The following CNTN5 variants were observed in gnomAD, a reference collection of about 807,000 sequenced individuals.
The protein encoded by CNTN5 is contactin 5.
CNTN5 carries 77 observed loss-of-function variants against 129.1 expected under a neutral mutation model. The observed-to-expected ratio is 0.60, with a 90% CI of 0.50 to 0.72. The LOEUF (loss-of-function observed/expected upper bound fraction) is 0.72. CNTN5 is among the 30% of genes least tolerant of loss of function. The pLI is 0.00. For missense variants in CNTN5, 1,478 were observed against 1,328.8 expected (o/e 1.11, Z -1.75); for synonymous variants, 509 against 465.6 (o/e 1.09, Z -1.20).
At chr11:99,335,319 A>G (rs1373092065) in intron 2 of CNTN5, among the ~76,000 whole-genome samples, 1 of 152,072 alleles carries the variant, frequency 6.6e-6, no homozygotes, top group African/African-American at 2.4e-5. Context: ...AGAAGTCTTC[A>G]ATCTTTTAAT....
chr11:99,061,886 G>C (rs376980618), intron 1 of CNTN5, among the ~76,000 whole-genome samples: 37 of 152,118 alleles, frequency 2.4e-4, no homozygotes, highest in African/African-American at 6.5e-4. Flanking sequence ...TAGATACCTG[G>C]GAGGTGGAGG....
At chr11:99,305,935 C>G (rs1405041989) in intron 1 of CNTN5, among the ~76,000 whole-genome samples, 2 of 151,786 alleles carry the variant, frequency 1.3e-5, no homozygotes, top group Admixed American at 1.3e-4. Context: ...GAGCCGAGAT[C>G]TCGTCTCTGC....
intron 1 of CNTN5, among the ~76,000 whole-genome samples, chr11:99,056,485 C>T (rs983751273): frequency 1.3e-5 from 2 of 151,988 alleles, no homozygotes; most frequent in African/African-American, 2.4e-5. Context: ...GGTTAGGGCA[C>T]CACCAGTAAA....
chr11:100,091,966 T>C (rs920625883), intron 13 of CNTN5, among the ~76,000 whole-genome samples: 5 of 152,138 alleles, frequency 3.3e-5, no homozygotes, highest in African/African-American at 1.2e-4. Flanking sequence ...CAAGCTAATT[T>C]ATTAAGGATA....
Position 100,297,683 on chromosome 11 carries a change from C to T in CNTN5, c.2373C>T (p.Val791=), listed in dbSNP as rs1320715977. 3 of 1,601,386 alleles carry T rather than the reference C, an allele frequency of 1.9e-6. No homozygotes were observed. Among genetic ancestry groups the T allele is most frequent in the South Asian group, 2.2e-5 (2 of 89,268 alleles). Residue 791 remains valine, a synonymous_variant, in exon 19 of 25, where the codon GTC becomes GTT. Coordinates refer to ENST00000524871, the MANE Select transcript of CNTN5 (RefSeq NM_014361.4). ...GAAGTGGAAGAAGGCATGAGTTAGTCATTGCCTGGGAGGTAAGAAAAACAC... is the reference window on the plus strand; with the variant it reads ...GAAGTGGAAGAAGGCATGAGTTAGTTATTGCCTGGGAGGTAAGAAAAACAC... ...SGRSGRRHEL[V]IAWEPVSEEF... is the part of the protein sequence containing the mutation.
At position 99,312,574 on chromosome 11, in the gene CNTN5, A is replaced by T. The variant is rs1865158800; in HGVS notation, c.-209-12772A>T. 2.0e-5 allele frequency among the ~76,000 whole-genome samples: 3 copies of T among 152,242 alleles called. No homozygotes were observed. In the East Asian group the frequency reaches 5.8e-4, roughly 29 times the overall value. On this transcript the variant is annotated intron_variant, in intron 1 of 24. Coordinates refer to ENST00000524871, the MANE Select transcript of CNTN5 (RefSeq NM_014361.4). ...TATAATATAGTCAGACAGTTAAGAA[A>T]ATTGGTTCTATTCAGTCTCTCTATG...
At chr11:99,805,561 A>G (rs1387078524) in intron 3 of CNTN5, among the ~76,000 whole-genome samples, 3 of 152,174 alleles carry the variant, frequency 2.0e-5, no homozygotes, top group African/African-American at 4.8e-5. Context: ...TCATTAGGGT[A>G]TTGGAACTAT....
intron 1 of CNTN5, among the ~76,000 whole-genome samples, chr11:99,037,824 A>C (rs1262773048): frequency 6.6e-6 from 1 of 151,478 alleles, no homozygotes; most frequent in African/African-American, 2.4e-5. Context: ...ATGATCCAAA[A>C]GTGCTGGGAT....
chr11:100,140,097 G>A (rs1946645694), intron 13 of CNTN5, among the ~76,000 whole-genome samples: 1 of 152,138 alleles, frequency 6.6e-6, no homozygotes, highest in Non-Finnish European at 1.5e-5. Flanking sequence ...ACAGTGAAGA[G>A]GGGAAGAGAT....
At position 99,408,521 on chromosome 11, in the gene CNTN5, T is replaced by A. The variant is rs893493876; in HGVS notation, c.-71+83037T>A. Among the ~76,000 whole-genome samples the A allele has an allele frequency of 4.0e-5, 5 of 124,954 alleles. No homozygotes were observed. In the South Asian group the frequency reaches 1.4e-3, roughly 34 times the overall value. The allele number at this position is 124,954 out of a possible 152,430, so 82.0% of individuals were successfully genotyped here. On this transcript the variant is annotated intron_variant, in intron 2 of 24. Transcript: ENST00000524871. Reference sequence around the variant, plus strand: ...AAGAAAGAAAGTTAGTTCATAGAAATTGGAGTCTCAATATGTTGCCTGGGC... The same window carrying A: ...AAGAAAGAAAGTTAGTTCATAGAAAATGGAGTCTCAATATGTTGCCTGGGC...
chr11:99,760,241 G>T (rs977126675), intron 3 of CNTN5, among the ~76,000 whole-genome samples: 1 of 152,070 alleles, frequency 6.6e-6, no homozygotes. Flanking sequence ...AAGTGTATTT[G>T]AAAAACATAG....
intron 1 of CNTN5, among the ~76,000 whole-genome samples, chr11:99,178,342 A>G (rs1222557520): frequency 6.6e-6 from 1 of 150,640 alleles, no homozygotes; most frequent in Non-Finnish European, 1.5e-5. Flanking sequence ...ACACACACAC[A>G]CACACACACA....
intron 9 of CNTN5, among the ~76,000 whole-genome samples, chr11:100,037,437 G>T (rs1443863823): frequency 6.6e-6 from 1 of 151,686 alleles, no homozygotes; most frequent in Non-Finnish European, 1.5e-5. Context: ...CTCTTTTTTG[G>T]TTGTGTCTCT....
At chr11:99,238,688 TCTC>T (rs1333737656) in intron 1 of CNTN5, among the ~76,000 whole-genome samples, 2 of 152,122 alleles carry the variant, frequency 1.3e-5, no homozygotes, top group Non-Finnish European at 2.9e-5. Flanking sequence ...TTCACTAAGT[TCTC>T]CTCCAAGAAT....
intron 2 of CNTN5, among the ~76,000 whole-genome samples, chr11:99,539,558 T>C (rs1591244820): frequency 1.3e-5 from 2 of 152,094 alleles, no homozygotes; most frequent in East Asian, 3.8e-4. Context: ...CATGTAAGTA[T>C]CATAAAAATT....
intron 1 of CNTN5, among the ~76,000 whole-genome samples, chr11:99,174,124 G>A (rs936914140): frequency 2.0e-5 from 3 of 152,010 alleles, no homozygotes; most frequent in Non-Finnish European, 4.4e-5. Flanking sequence ...TCAGCCTCCC[G>A]AGTAGCTTGG....
intron 1 of CNTN5, among the ~76,000 whole-genome samples, chr11:99,196,021 A>T (rs879662365): frequency 6.6e-6 from 1 of 152,000 alleles, no homozygotes; most frequent in Non-Finnish European, 1.5e-5. Flanking sequence ...AGAGGATGAT[A>T]TTGTAAAGAA....
chr11:99,245,437 G>T (rs887489655), intron 1 of CNTN5, among the ~76,000 whole-genome samples: 1 of 152,014 alleles, frequency 6.6e-6, no homozygotes, highest in African/African-American at 2.4e-5. Context: ...TCCTGACTCC[G>T]CCTCCCAAGT....
chr11:99,815,467 CCA>C (rs1248648534), intron 3 of CNTN5, among the ~76,000 whole-genome samples: 1 of 152,048 alleles, frequency 6.6e-6, no homozygotes, highest in Non-Finnish European at 1.5e-5. Flanking sequence ...GGAGGAGACC[CCA>C]CAATACTGTA....
Sources: allele counts gnomAD v4.1 joint callset (sites outside exome capture counted in the v4.1 genomes callset), GRCh38; gene constraint gnomAD v4.1.1; transcripts MANE v1.5; gene names NCBI Gene and HGNC (gene_info 2026-07-23, HGNC 2026-07-21).